The following KIRREL3 variants were observed in gnomAD, a reference collection of about 807,000 sequenced individuals.
KIRREL3 encodes kirre like nephrin family adhesion molecule 3.
In KIRREL3, 36 loss-of-function variants were observed where a neutral mutation model predicts 89.7. The observed-to-expected ratio is 0.40, with a 90% confidence interval of 0.31 to 0.53. The LOEUF is 0.53. Ranked by LOEUF, KIRREL3 falls within the 20% of genes least tolerant of loss-of-function variation. The probability of loss-of-function intolerance (pLI) is 0.49; values close to 1 mark genes in which losing one functional copy is unlikely to be tolerated. For synonymous variants in KIRREL3, 445 were observed against 441.4 expected, an observed-to-expected ratio of 1.01 and a Z score of -0.10; for missense variants, 864 against 1,056.6, an observed-to-expected ratio of 0.82 and a Z score of 2.53.
intron 2 of KIRREL3, among the ~76,000 whole-genome samples, chr11:126,552,607 G>A (rs1939374022): frequency 1.6e-5 from 2 of 125,830 alleles, no homozygotes; most frequent in African/African-American, 6.0e-5. Flanking sequence ...TGTTGCTCCG[G>A]CTGAAGTGCA....
At chr11:126,493,404 C>G (rs1232607953) in intron 4 of KIRREL3, among the ~76,000 whole-genome samples, 1 of 152,070 alleles carries the variant, frequency 6.6e-6, no homozygotes, top group Admixed American at 6.6e-5. Flanking sequence ...GCCTGTAATC[C>G]TAGCACTTTG....
At position 126,750,971 on chromosome 11, in the gene KIRREL3, T is replaced by G. The variant is rs1949316410; in HGVS notation, c.56-188059A>C. Among the ~76,000 whole-genome samples the G allele has an allele frequency of 6.6e-6, 1 of 152,268 alleles. No homozygotes were observed. The highest frequency in any genetic ancestry group is 1.5e-5 in the Non-Finnish European group (1 of 68,056). On this transcript the variant is annotated intron_variant, in intron 1 of 16. Transcript: ENST00000525144. This position sits in a 1 kb window ranked among gnomAD's most constrained non-coding sequence, Gnocchi z 4.2. Reference sequence around the variant, plus strand: ...TATAAATCCAATTAAGTTTATTATCTTAATATGATCTTGTCTAATTTATCC... The same window carrying G: ...TATAAATCCAATTAAGTTTATTATCGTAATATGATCTTGTCTAATTTATCC...
In KIRREL3 at chr11:126,459,067, G is replaced by A. The variant is rs576507098; in HGVS notation, c.743-2613C>T. On this transcript the variant is annotated intron_variant, in intron 6 of 16. Coordinates refer to ENST00000525144, the MANE Select transcript of KIRREL3 (RefSeq NM_032531.4). This position sits in a 1 kb window ranked among gnomAD's most constrained non-coding sequence, Gnocchi z 4.8. ...GGTGGGGCAGAGGAGCTTGGGAATC[G>A]CCACCGGATCCAAACGCATTGCTGG... Among the ~76,000 whole-genome samples, 44 of 152,076 alleles carry A rather than the reference G, an allele frequency of 2.9e-4. No individual in the cohort carries two copies. The highest frequency in any genetic ancestry group is 9.2e-4 in the African/African-American group (38 of 41,480).
chr11:126,559,918 A>G (rs911873355), intron 2 of KIRREL3, among the ~76,000 whole-genome samples: 51 of 152,042 alleles, frequency 3.4e-4, no homozygotes, highest in African/African-American at 1.2e-3. Flanking sequence ...CCTGACCTCA[A>G]GTGATCTGCC....
rs536215302 is a variant in KIRREL3, at chr11:126,455,964, T to A, written c.848+385A>T. 6.6e-6 allele frequency among the ~76,000 whole-genome samples: 1 copy of A among 151,396 alleles called. No homozygotes were observed. The highest frequency in any genetic ancestry group is 2.0e-4 in the East Asian group (1 of 5,124). ...TCCTGATCTACCCAGGTGAACCAGT[T>A]TGATGGGCACAAGACTAGAATGGAG... On this transcript the variant is annotated intron_variant, in intron 7 of 16. Transcript: ENST00000525144. The surrounding 1 kb of genome is among the most constrained non-coding windows in gnomAD (Gnocchi z 6.4).
chr11:126,467,083 G>A (rs928032770), intron 5 of KIRREL3, among the ~76,000 whole-genome samples: 5 of 152,242 alleles, frequency 3.3e-5, no homozygotes, highest in Admixed American at 2.0e-4. Context: ...CATGTGTCCG[G>A]GAACGAGCGT....
chr11:126,674,132 G>A (rs147545362), intron 1 of KIRREL3, among the ~76,000 whole-genome samples: 96 of 152,330 alleles, frequency 6.3e-4, no homozygotes, highest in African/African-American at 2.1e-3. Flanking sequence ...ATTTGGCTCT[G>A]CTGGAATGTT....
At chr11:126,582,424 G>A (rs1459224748) in intron 1 of KIRREL3, among the ~76,000 whole-genome samples, 6 of 152,188 alleles carry the variant, frequency 3.9e-5, no homozygotes, top group Non-Finnish European at 5.9e-5. Context: ...TGATGCTGCC[G>A]GAAGCAATAA....
In KIRREL3 at chr11:126,997,072, C is replaced by T. The variant is rs1297976386; in HGVS notation, c.55+3383G>A. On this transcript the variant is annotated intron_variant, in intron 1 of 16. Transcript: ENST00000525144. The surrounding 1 kb of genome is among the most constrained non-coding windows in gnomAD (Gnocchi z 4.3). The stretch of plus-strand genomic sequence containing the variant: ...GATCTCCCTGGAGGCAGGGAGTCAT[C>T]AGTCCTCTAGGACCTTATTCCCTCC... Among the ~76,000 whole-genome samples, 3 of 152,186 alleles carry T rather than the reference C, an allele frequency of 2.0e-5. No individual in the cohort carries two copies. Among genetic ancestry groups the T allele is most frequent in the African/African-American group, 4.8e-5 (2 of 41,448 alleles).
At chr11:126,465,285 A>G (rs1391099836) in intron 5 of KIRREL3, among the ~76,000 whole-genome samples, 1 of 152,188 alleles carries the variant, frequency 6.6e-6, no homozygotes, top group African/African-American at 2.4e-5. Context: ...AGGGCCCCGG[A>G]AGACAGCAGC....
chr11:126,968,852 T>C (rs1949352889), intron 1 of KIRREL3, among the ~76,000 whole-genome samples: 1 of 152,082 alleles, frequency 6.6e-6, no homozygotes, highest in South Asian at 2.1e-4. Flanking sequence ...GTCCCACACC[T>C]ACCAACTAGC....
In KIRREL3 at chr11:126,646,594, C is replaced by G. The variant is rs556200671; in HGVS notation, c.56-83682G>C. On this transcript the variant is annotated intron_variant, in intron 1 of 16. Transcript: ENST00000525144. ...GGTTCAGGTGATTCTCCTGCTTCAG[C>G]CTCCTGAGTAGCTGGGATTACAGGC... Among the ~76,000 whole-genome samples the G allele has an allele frequency of 2.0e-5, 3 of 151,472 alleles. No individual in the cohort carries two copies. The Admixed American group carries it at 2.0e-4, about 10-fold the overall frequency.
rs1301779496 is a variant in KIRREL3, at chr11:126,647,897, C to T, written c.56-84985G>A. The stretch of plus-strand genomic sequence containing the variant: ...CATGGTGCTCTCCGGGGTCTGGCCT[C>T]GTTGTTACACTTTGACTTAATCTTC... On this transcript the variant is annotated intron_variant, in intron 1 of 16. Coordinates refer to ENST00000525144, the MANE Select transcript of KIRREL3 (RefSeq NM_032531.4). This position sits in a 1 kb window ranked among gnomAD's most constrained non-coding sequence, Gnocchi z 4.9. 2.6e-5 allele frequency among the ~76,000 whole-genome samples: 4 copies of T among 152,194 alleles called. No homozygotes were observed. The highest frequency in any genetic ancestry group is 4.4e-5 in the Non-Finnish European group (3 of 68,032).
rs575298481 is a variant in KIRREL3, at chr11:126,555,803, C to T, written c.133+7032G>A. Among the ~76,000 whole-genome samples the T allele has an allele frequency of 2.9e-4, 44 of 151,132 alleles. No homozygotes were observed. The highest frequency in any genetic ancestry group is 1.0e-3 in the African/African-American group (41 of 41,130). On this transcript the variant is annotated intron_variant, in intron 2 of 16. Transcript: ENST00000525144. The surrounding 1 kb of genome is among the most constrained non-coding windows in gnomAD (Gnocchi z 4.2). ...TCACTCAGGCTGGAGTGCAGTGGCA[C>T]GATCTCGGCTCACTGCAACCTCCGC...
Position 126,440,495 on chromosome 11 carries a change from C to A in KIRREL3, c.1307G>T (p.Gly436Val). The change falls in exon 11 of 17, where the codon GGC (glycine) becomes GTC (valine). Residue 436 changes from glycine to valine, a missense_variant. Coordinates refer to ENST00000525144, the MANE Select transcript of KIRREL3 (RefSeq NM_032531.4). Reference protein sequence around the residue: ...QTQHALHGEKGQIKCFIRSTP... With the variant: ...QTQHALHGEKVQIKCFIRSTP... ...GCTCCGGATGAAGCACTTGATCTGGCCCTTCTCGCCGTGGAGGGCGTGCTG... is the reference window on the plus strand; with the variant it reads ...GCTCCGGATGAAGCACTTGATCTGGACCTTCTCGCCGTGGAGGGCGTGCTG... 2 of 1,601,412 alleles carry A rather than the reference C, an allele frequency of 1.2e-6. No homozygotes were observed. Among genetic ancestry groups the A allele is most frequent in the Non-Finnish European group, 8.5e-7 (1 of 1,174,538 alleles).
At chr11:126,899,011 G>GGC (rs1555079816) in intron 1 of KIRREL3, among the ~76,000 whole-genome samples, 74 of 151,064 alleles carry the variant, frequency 4.9e-4, no homozygotes, top group African/African-American at 1.7e-3. Context: ...GGGGAGTTTG[G>GGC]GGGGGGTCTC....
rs762118144 is a variant in KIRREL3, at chr11:126,903,734, C to G, written c.55+96721G>C. Among the ~76,000 whole-genome samples, 1 of 152,204 alleles carries G rather than the reference C, an allele frequency of 6.6e-6. No homozygotes were observed. The highest frequency in any genetic ancestry group is 1.9e-4 in the East Asian group (1 of 5,194). ...AAAATGAGATATGTTGGGCCACCAACGCTTTCTGTAATCACCTTAATAGGT... is the reference window on the plus strand; with the variant it reads ...AAAATGAGATATGTTGGGCCACCAAGGCTTTCTGTAATCACCTTAATAGGT... On this transcript the variant is annotated intron_variant, in intron 1 of 16. Transcript: ENST00000525144. This position sits in a 1 kb window ranked among gnomAD's most constrained non-coding sequence, Gnocchi z 4.5.
chr11:126,937,695 C>T (rs568988844), intron 1 of KIRREL3, among the ~76,000 whole-genome samples: 6 of 151,872 alleles, frequency 4.0e-5, no homozygotes, highest in Non-Finnish European at 5.9e-5. Flanking sequence ...GTCAGGAGAT[C>T]AAGACCATCC....
chr11:126,438,806 A>C (rs1164685190), intron 11 of KIRREL3, among the ~76,000 whole-genome samples: 1 of 152,196 alleles, frequency 6.6e-6, no homozygotes, highest in Non-Finnish European at 1.5e-5. Flanking sequence ...ATAATACTCT[A>C]ATAATATCTT....
Sources: allele counts gnomAD v4.1 joint callset (sites outside exome capture counted in the v4.1 genomes callset), GRCh38; gene constraint gnomAD v4.1.1; non-coding constraint Gnocchi (gnomAD v3.1); transcripts MANE v1.5; gene names NCBI Gene and HGNC (gene_info 2026-07-23, HGNC 2026-07-21).